The following RGS20 variants were observed in gnomAD, a reference collection of about 807,000 sequenced individuals.
The protein encoded by RGS20 is gz-selective GTPase-activating protein.
RGS20 carries 30 observed loss-of-function variants against 33.6 expected under a neutral mutation model. The observed-to-expected ratio is 0.89, with a 90% CI of 0.67 to 1.21. The LOEUF (loss-of-function observed/expected upper bound fraction) is 1.21. Ranked by LOEUF, RGS20 falls within the 50% of genes most tolerant of loss-of-function variation. The pLI, the probability that RGS20 is intolerant of heterozygous loss-of-function variation, is 0.00. For missense variants in RGS20, 472 were observed against 502.4 expected, an observed-to-expected ratio of 0.94 and a Z score of 0.58; for synonymous variants, 208 against 197.9, an observed-to-expected ratio of 1.05 and a Z score of -0.43.
chr8:53,872,862 T>C (rs2129271888), intron 1 of RGS20, among the ~76,000 whole-genome samples: 1 of 152,238 alleles, frequency 6.6e-6, no homozygotes, highest in Non-Finnish European at 1.5e-5. Context: ...TAGTAAAATA[T>C]AAACAACATA....
At position 53,878,461 on chromosome 8, in the gene RGS20, T is replaced by C. The variant is rs147504631; in HGVS notation, c.166-797T>C. Among the ~76,000 whole-genome samples the C allele has an allele frequency of 6.0e-4, 91 of 152,250 alleles. 3 individuals are homozygous for C. In the East Asian group the frequency reaches 0.012, roughly 20 times the overall value. ...TTCCAAAAGAAAAAAAATATCTCATTGCTTAGGTCTCCTAAGCAACAAGTG... is the reference window on the plus strand; with the variant it reads ...TTCCAAAAGAAAAAAAATATCTCATCGCTTAGGTCTCCTAAGCAACAAGTG... On this transcript the variant is annotated intron_variant, in intron 1 of 5. Coordinates refer to ENST00000297313, the MANE Select transcript of RGS20 (RefSeq NM_170587.4).
chr8:53,891,344 C>T (rs1010230779), intron 2 of RGS20, among the ~76,000 whole-genome samples: 4 of 152,124 alleles, frequency 2.6e-5, no homozygotes, highest in South Asian at 2.1e-4. Context: ...TTGGGCCAGG[C>T]GCAGTGGCTC....
At chr8:53,882,450 T>A (rs113647945) in intron 2 of RGS20, among the ~76,000 whole-genome samples, 4,051 of 152,036 alleles carry the variant, frequency 0.027, 179 homozygotes, top group African/African-American at 0.093. Context: ...GCGAGGGGGA[T>A]CCCAGGGGAG....
intron 2 of RGS20, among the ~76,000 whole-genome samples, chr8:53,905,582 A>T (rs763276644): frequency 6.6e-6 from 1 of 152,198 alleles, no homozygotes; most frequent in Non-Finnish European, 1.5e-5. Context: ...GTTGACCAGC[A>T]TTCAGCTTAC....
intron 2 of RGS20, among the ~76,000 whole-genome samples, chr8:53,889,408 CTCTCTTTTTTTTTTTTTT>C (rs1563366852): frequency 4.5e-5 from 4 of 88,200 alleles, no homozygotes; most frequent in African/African-American, 1.5e-4. Context: ...TTCTCTCTCT[CTCTCTTTTTTTTTTTTTT>C]TTTTTTTTTT....
chr8:53,900,799 T>C (rs542389597), intron 2 of RGS20, among the ~76,000 whole-genome samples: 1 of 152,298 alleles, frequency 6.6e-6, no homozygotes, highest in South Asian at 2.1e-4. Flanking sequence ...ACCAGACTGC[T>C]GGACATTCCT....
chr8:53,954,839 C>G, intron 5 of RGS20, among the ~76,000 whole-genome samples: 1 of 150,838 alleles, frequency 6.6e-6, no homozygotes, highest in Non-Finnish European at 1.5e-5. Context: ...AGGTGCGCAC[C>G]ACCAGGCCTG....
At chr8:53,940,939 T>A (rs1814273511) in intron 3 of RGS20, among the ~76,000 whole-genome samples, 1 of 152,060 alleles carries the variant, frequency 6.6e-6, no homozygotes, top group Non-Finnish European at 1.5e-5. Flanking sequence ...GGGCCTATAT[T>A]CTCACTCTGC....
intron 2 of RGS20, among the ~76,000 whole-genome samples, chr8:53,896,247 T>C (rs1207646048): frequency 6.6e-6 from 1 of 152,124 alleles, no homozygotes; most frequent in African/African-American, 2.4e-5. Context: ...ACCACTGCAC[T>C]CCAACCTGTG....
Position 53,867,658 on chromosome 8 carries a change from TCTTCCTTCCTTCCTTC to T in RGS20, c.166-11568_166-11553del, listed in dbSNP as rs3083109. Among the ~76,000 whole-genome samples the T allele has an allele frequency of 3.3e-4, 47 of 143,332 alleles. No individual in the cohort carries two copies. The South Asian group carries it at 4.6e-3, about 14-fold the overall frequency. 94.0% of individuals were successfully genotyped at this position (143,332 alleles called of 152,430 possible). ...GTAAATCCAACCATTACGGAAGTAG[TCTTCCTTCCTTCCTTC>T]CTTCCTTCCTTCCTTCCTTCCTTCC... On this transcript the variant is annotated intron_variant, in intron 1 of 5. Coordinates refer to ENST00000297313, the MANE Select transcript of RGS20 (RefSeq NM_170587.4).
intron 2 of RGS20, among the ~76,000 whole-genome samples, chr8:53,907,574 G>C (rs1563385047): frequency 6.6e-6 from 1 of 150,466 alleles, no homozygotes; most frequent in East Asian, 1.9e-4. Context: ...GACAGAGCAA[G>C]ACTCCATCTC....
chr8:53,925,523 A>T (rs1340026825), intron 2 of RGS20, among the ~76,000 whole-genome samples: 1 of 152,212 alleles, frequency 6.6e-6, no homozygotes, highest in African/African-American at 2.4e-5. Context: ...CATGCCTGTA[A>T]TCCCAGCATT....
At chr8:53,856,652 C>T (rs1243513127) in intron 1 of RGS20, among the ~76,000 whole-genome samples, 1 of 152,208 alleles carries the variant, frequency 6.6e-6, no homozygotes, top group East Asian at 1.9e-4. Flanking sequence ...ATTACAGCTG[C>T]TCTAGTGATA....
chr8:53,866,972 G>A (rs1811935642), intron 1 of RGS20, among the ~76,000 whole-genome samples: 1 of 152,118 alleles, frequency 6.6e-6, no homozygotes, highest in Non-Finnish European at 1.5e-5. Flanking sequence ...CAGAGAATGG[G>A]CCCCATGCTG....
chr8:53,930,403 A>T (rs1244089189), intron 2 of RGS20, among the ~76,000 whole-genome samples: 1 of 152,218 alleles, frequency 6.6e-6, no homozygotes, highest in African/African-American at 2.4e-5. Context: ...CATGTAAGAG[A>T]GGATTTAAGT....
chr8:53,884,191 CTTTTTTT>C (rs4014055), intron 2 of RGS20, among the ~76,000 whole-genome samples: 1 of 103,458 alleles, frequency 9.7e-6, no homozygotes, highest in East Asian at 3.1e-4. Context: ...GAAAAACAGT[CTTTTTTT>C]TTTTTTTTTT....
chr8:53,953,103 G>A (rs1814756682), intron 4 of RGS20, among the ~76,000 whole-genome samples: 1 of 152,184 alleles, frequency 6.6e-6, no homozygotes, highest in South Asian at 2.1e-4. Flanking sequence ...TACCTAATGA[G>A]TACAATGTAC....
intron 1 of RGS20, among the ~76,000 whole-genome samples, chr8:53,852,831 G>A (rs1005811802): frequency 6.6e-5 from 10 of 152,078 alleles, no homozygotes; most frequent in African/African-American, 1.9e-4. Context: ...TTTTGCCGCG[G>A]CTCATATCCT....
chr8:53,925,294 G>A (rs539639401), intron 2 of RGS20, among the ~76,000 whole-genome samples: 8 of 152,236 alleles, frequency 5.3e-5, no homozygotes, highest in African/African-American at 1.7e-4. Context: ...ATTTCAGGCT[G>A]TAGTCTTTAG....
Sources: allele counts gnomAD v4.1 joint callset (sites outside exome capture counted in the v4.1 genomes callset), GRCh38; gene constraint gnomAD v4.1.1; transcripts MANE v1.5; gene names NCBI Gene and HGNC (gene_info 2026-07-23, HGNC 2026-07-21).